ADAMTS18: variants seen among roughly 807,000 people sequenced by gnomAD.
ADAMTS18 encodes the protein ADAM metallopeptidase with thrombospondin type 1 motif 18.
ADAMTS18 carries 157 observed loss-of-function variants against 165.9 expected under a neutral mutation model. That is an observed-to-expected ratio of 0.95 (90% confidence interval 0.83 to 1.08). The LOEUF is 1.08. Among genes scored for constraint, ADAMTS18 ranks in the 50% least tolerant of loss-of-function variants. The pLI is 0.00. For missense variants in ADAMTS18, 2,040 were observed against 1,534.0 expected (o/e 1.33, Z -5.51); for synonymous variants, 782 against 578.2 (o/e 1.35, Z -5.06).
intron 16 of ADAMTS18, among the ~76,000 whole-genome samples, chr16:77,310,488 T>C (rs777937316): frequency 2.8e-4 from 43 of 152,328 alleles, no homozygotes; most frequent in Admixed American, 9.1e-4. Flanking sequence ...GAGCAACCTA[T>C]ATCCCAGCTA....
chr16:77,371,792 G>T (rs2056880058), intron 3 of ADAMTS18, among the ~76,000 whole-genome samples: 1 of 152,098 alleles, frequency 6.6e-6, no homozygotes, highest in African/African-American at 2.4e-5. Context: ...AATCTAAAAA[G>T]CCTCTGTACA....
At chr16:77,374,067 A>C (rs1471364497) in intron 3 of ADAMTS18, among the ~76,000 whole-genome samples, 2 of 151,948 alleles carry the variant, frequency 1.3e-5, no homozygotes, top group South Asian at 4.2e-4. Context: ...AAAAATATGA[A>C]AATTAGCCCG....
chr16:77,284,380 G>A (rs1453123280), intron 22 of ADAMTS18, among the ~76,000 whole-genome samples: 2 of 151,962 alleles, frequency 1.3e-5, no homozygotes, highest in Non-Finnish European at 1.5e-5. Flanking sequence ...TGCCTGCTTC[G>A]GCCTCCCAAA....
intron 16 of ADAMTS18, among the ~76,000 whole-genome samples, chr16:77,312,876 G>A (rs2055809080): frequency 6.6e-6 from 1 of 152,158 alleles, no homozygotes; most frequent in African/African-American, 2.4e-5. Context: ...CATTGTGGAA[G>A]ACAGTGTGGC....
Position 77,429,359 on chromosome 16 carries a change from C to G in ADAMTS18, c.495+1936G>C, listed in dbSNP as rs534163651. ...AGGAGAAATTCAAATCCCACGTTCTCACTTATAAGTGGGAGCTAAATGATG... is the reference window on the plus strand; with the variant it reads ...AGGAGAAATTCAAATCCCACGTTCTGACTTATAAGTGGGAGCTAAATGATG... On this transcript the variant is annotated intron_variant, in intron 3 of 22. Transcript: ENST00000282849. 5.3e-5 allele frequency among the ~76,000 whole-genome samples: 8 copies of G among 152,280 alleles called. No individual in the cohort carries two copies. The South Asian group carries it at 1.4e-3, about 28-fold the overall frequency.
At chr16:77,294,894 A>T (rs2055436069) in intron 19 of ADAMTS18, 29 bp downstream of exon 19, 1 of 1,610,834 alleles carries the variant, frequency 6.2e-7, no homozygotes, top group African/African-American at 1.3e-5. Context: ...GGGACCGAGA[A>T]TAGTAACTCC....
intron 16 of ADAMTS18, among the ~76,000 whole-genome samples, chr16:77,304,690 C>T (rs1160309021): frequency 6.6e-6 from 1 of 152,156 alleles, no homozygotes; most frequent in Non-Finnish European, 1.5e-5. Context: ...ATACAAAACT[C>T]ATGTATCTGG....
At chr16:77,422,394 C>T (rs1038996078) in intron 3 of ADAMTS18, among the ~76,000 whole-genome samples, 1 of 151,408 alleles carries the variant, frequency 6.6e-6, no homozygotes, top group African/African-American at 2.4e-5. Context: ...GGAAGCCAAG[C>T]AGAAGCAAGA....
chr16:77,380,193 A>G (rs1425470326), intron 3 of ADAMTS18, among the ~76,000 whole-genome samples: 1 of 152,186 alleles, frequency 6.6e-6, no homozygotes, highest in Non-Finnish European at 1.5e-5. Context: ...ATTAACTAAC[A>G]TGACTTTGAC....
At chr16:77,312,868 T>C (rs1033935221) in intron 16 of ADAMTS18, among the ~76,000 whole-genome samples, 5 of 152,268 alleles carry the variant, frequency 3.3e-5, no homozygotes, top group African/African-American at 9.6e-5. Flanking sequence ...AGTTCAACCA[T>C]TGTGGAAGAC....
At position 77,408,068 on chromosome 16, in the gene ADAMTS18, T is replaced by A. The variant is rs370478448; in HGVS notation, c.495+23227A>T. 3.9e-5 allele frequency among the ~76,000 whole-genome samples: 6 copies of A among 152,234 alleles called. No homozygotes were observed. In the East Asian group the frequency reaches 9.6e-4, roughly 24 times the overall value. On this transcript the variant is annotated intron_variant, in intron 3 of 22. Transcript: ENST00000282849. ...AAATGGCAAAAAACTTAGGGAGATA[T>A]TTGACAAAAGAGGATATCTAAATGT...
intron 3 of ADAMTS18, among the ~76,000 whole-genome samples, chr16:77,391,733 C>T (rs960925119): frequency 6.6e-6 from 1 of 152,092 alleles, no homozygotes. Context: ...AGAACTACAA[C>T]TCTACTCGAT....
At chr16:77,418,380 T>C (rs761163452) in intron 3 of ADAMTS18, among the ~76,000 whole-genome samples, 5 of 152,164 alleles carry the variant, frequency 3.3e-5, no homozygotes, top group Non-Finnish European at 7.4e-5. Context: ...GGGACAACTG[T>C]GCCCCCAGGA....
chr16:77,324,899 TA>T (rs2056065810), intron 13 of ADAMTS18, among the ~76,000 whole-genome samples: 1 of 134,246 alleles, frequency 7.4e-6, no homozygotes, highest in Non-Finnish European at 1.6e-5. Flanking sequence ...TGTCTGTCTC[TA>T]TCTATACTTC....
At chr16:77,360,624 A>C (rs1168527389) in intron 7 of ADAMTS18, among the ~76,000 whole-genome samples, 2 of 152,362 alleles carry the variant, frequency 1.3e-5, no homozygotes, top group African/African-American at 4.8e-5. Context: ...CACATTCCAA[A>C]TTCAGAATAT....
intron 20 of ADAMTS18, among the ~76,000 whole-genome samples, chr16:77,292,230 G>A (rs919967487): frequency 6.6e-6 from 1 of 152,124 alleles, no homozygotes; most frequent in Non-Finnish European, 1.5e-5. Flanking sequence ...CGAGGGAGGT[G>A]GAGGCTGCAG....
At chr16:77,359,006 C>T (rs1177865242) in intron 8 of ADAMTS18, among the ~76,000 whole-genome samples, 1 of 152,062 alleles carries the variant, frequency 6.6e-6, no homozygotes, top group Non-Finnish European at 1.5e-5. Context: ...ACTTCCTGTG[C>T]ATAAAGAATC....
chr16:77,341,330 C>T (rs535543408), intron 11 of ADAMTS18, among the ~76,000 whole-genome samples: 1 of 152,188 alleles, frequency 6.6e-6, no homozygotes, highest in South Asian at 2.1e-4. Context: ...TAGCCGAAGC[C>T]TTGGTCTGGA....
intron 16 of ADAMTS18, among the ~76,000 whole-genome samples, chr16:77,315,515 G>A (rs1256685116): frequency 5.3e-5 from 8 of 152,112 alleles, no homozygotes; most frequent in Non-Finnish European, 1.2e-4. Context: ...GCAGGTGCAG[G>A]GCAAAAATAC....
Sources: allele counts gnomAD v4.1 joint callset (sites outside exome capture counted in the v4.1 genomes callset), GRCh38; gene constraint gnomAD v4.1.1; transcripts MANE v1.5; gene names NCBI Gene and HGNC (gene_info 2026-07-23, HGNC 2026-07-21).